Variants in DACH2 observed in about 807,000 individuals in gnomAD.
DACH2 encodes the protein dachshund family transcription factor 2, also known as dachshund homolog 2.
Under a neutral mutation model 35.8 loss-of-function variants are expected in DACH2, and 17 were observed. The observed-to-expected ratio is 0.48, with a 90% CI of 0.33 to 0.71. DACH2 has a LOEUF of 0.71. Among genes scored for constraint, DACH2 ranks in the 30% least tolerant of loss-of-function variants. DACH2 has a pLI of 0.02. For synonymous variants in DACH2, 195 were observed against 177.3 expected, an observed-to-expected ratio of 1.10 and a Z score of -0.79; for missense variants, 469 against 472.7, an observed-to-expected ratio of 0.99 and a Z score of 0.07.
At chrX:86,208,969 A>G (rs775872283) in intron 1 of DACH2, among the ~76,000 whole-genome samples, 2 of 111,646 alleles carry the variant, frequency 1.8e-5, no homozygotes, top group South Asian at 7.5e-4. Flanking sequence ...TCAGTTGATC[A>G]TGTCTACTGT....
At chrX:86,520,640 A>G (rs2038539103) in intron 3 of DACH2, among the ~76,000 whole-genome samples, 2 of 111,538 alleles carry the variant, frequency 1.8e-5, no homozygotes, top group Non-Finnish European at 3.8e-5. Flanking sequence ...TGAATTAAAG[A>G]CTTTACCATT....
chrX:86,578,136 G>T (rs1023958481), intron 3 of DACH2, among the ~76,000 whole-genome samples: 1 of 110,692 alleles, frequency 9.0e-6, no homozygotes, highest in Admixed American at 9.6e-5. Flanking sequence ...GGTCAGTCTT[G>T]CAGGACTGAG....
chrX:86,687,119 G>T (rs753611744), intron 4 of DACH2, among the ~76,000 whole-genome samples: 9 of 112,015 alleles, frequency 8.0e-5, no homozygotes, highest in Middle Eastern at 4.6e-3. Flanking sequence ...TTTAAATCCA[G>T]AAATAAATTT....
At chrX:86,461,185 G>A (rs1256350666) in intron 2 of DACH2, among the ~76,000 whole-genome samples, 1 of 111,389 alleles carries the variant, frequency 9.0e-6, no homozygotes, top group Non-Finnish European at 1.9e-5. Context: ...AATGTGTGAG[G>A]AATAATTTGT....
intron 1 of DACH2, among the ~76,000 whole-genome samples, chrX:86,168,849 C>T (rs1396161222): frequency 9.1e-6 from 1 of 110,334 alleles, no homozygotes; most frequent in Middle Eastern, 4.3e-3. Context: ...TTTTATTGTA[C>T]TGACTATGTC....
At chrX:86,251,072 A>G (rs1470250978) in intron 1 of DACH2, among the ~76,000 whole-genome samples, 3 of 111,341 alleles carry the variant, frequency 2.7e-5, no homozygotes, top group Non-Finnish European at 5.7e-5. Context: ...TGCTGTAGGC[A>G]TCAGATACTT....
chrX:86,637,460 A>G (rs1473878245), intron 3 of DACH2, among the ~76,000 whole-genome samples: 1 of 110,707 alleles, frequency 9.0e-6, no homozygotes, highest in Non-Finnish European at 1.9e-5. Context: ...AATGGTAGAG[A>G]CACAGAATCA....
At chrX:86,621,034 T>C (rs1225130589) in intron 3 of DACH2, among the ~76,000 whole-genome samples, 2 of 111,901 alleles carry the variant, frequency 1.8e-5, no homozygotes, top group Non-Finnish European at 3.8e-5. Context: ...CTACTTTTAA[T>C]AATTCCTTTG....
intron 3 of DACH2, among the ~76,000 whole-genome samples, chrX:86,525,732 G>A (rs7052386): frequency 0.31 from 34,682 of 110,372 alleles, 6,090 homozygotes; most frequent in African/African-American, 0.68. Context: ...ACACACTGTC[G>A]TTGTGATAAA....
At chrX:86,200,162 C>T (rs994370136) in intron 1 of DACH2, among the ~76,000 whole-genome samples, 10 of 110,699 alleles carry the variant, frequency 9.0e-5, no homozygotes, top group African/African-American at 3.0e-4. Flanking sequence ...TGATCTGATC[C>T]TTGACAAAGC....
chrX:86,217,808 T>A lies in DACH2; in HGVS notation c.488+68700T>A, dbSNP rs6623594. Among the ~76,000 whole-genome samples the A allele has an allele frequency of 4.5e-4, 51 of 112,198 alleles. No individual in the cohort carries two copies. The East Asian group carries it at 0.012, about 27-fold the overall frequency. ...ATTGTAGAAGAAATCAGGTAGATGATGACAGAAAGATCATGTAGGAAGCGT... is the reference window on the plus strand; with the variant it reads ...ATTGTAGAAGAAATCAGGTAGATGAAGACAGAAAGATCATGTAGGAAGCGT... On this transcript the variant is annotated intron_variant, in intron 1 of 11. Transcript: ENST00000373125.
chrX:86,669,023 G>A (rs980806595), intron 4 of DACH2, among the ~76,000 whole-genome samples: 2 of 111,349 alleles, frequency 1.8e-5, no homozygotes, highest in Non-Finnish European at 3.8e-5. Context: ...TGAGTTGACA[G>A]GCTAAATGTA....
At chrX:86,213,632 C>A (rs1022307706) in intron 1 of DACH2, among the ~76,000 whole-genome samples, 1 of 110,653 alleles carries the variant, frequency 9.0e-6, no homozygotes, top group African/African-American at 3.3e-5. Flanking sequence ...TTGTTGGGCC[C>A]AATTTACGCC....
At chrX:86,760,900 A>G (rs1240724747) in intron 7 of DACH2, among the ~76,000 whole-genome samples, 3 of 109,715 alleles carry the variant, frequency 2.7e-5, no homozygotes, top group African/African-American at 1.0e-4. Flanking sequence ...TTTCCTAAAG[A>G]TGTTTTTTGG....
rs1325301076 is a variant in DACH2, at chrX:86,379,020, C to A, written c.527+2158C>A. On this transcript the variant is annotated intron_variant, in intron 2 of 11. Coordinates refer to ENST00000373125, the MANE Select transcript of DACH2 (RefSeq NM_053281.3). Reference sequence around the variant, plus strand: ...ATGAAACAGATTATTACTGCCATGTCCACAAAAGAATACTTAAGTATAGTT... The same window carrying A: ...ATGAAACAGATTATTACTGCCATGTACACAAAAGAATACTTAAGTATAGTT... 2.7e-5 allele frequency among the ~76,000 whole-genome samples: 3 copies of A among 110,732 alleles called. No homozygotes were observed. The East Asian group carries it at 8.6e-4, about 32-fold the overall frequency.
At chrX:86,200,225 A>T (rs1319092414) in intron 1 of DACH2, among the ~76,000 whole-genome samples, 1 of 111,045 alleles carries the variant, frequency 9.0e-6, no homozygotes, top group Non-Finnish European at 1.9e-5. Context: ...ATGATGCTGG[A>T]ATAACTGGCT....
At chrX:86,319,999 C>A (rs907495535) in intron 1 of DACH2, among the ~76,000 whole-genome samples, 3 of 111,380 alleles carry the variant, frequency 2.7e-5, no homozygotes, top group Non-Finnish European at 5.7e-5. Context: ...CCAAGCATAG[C>A]CAGAAGACAA....
At chrX:86,390,269 T>C (rs745625377) in intron 2 of DACH2, among the ~76,000 whole-genome samples, 1 of 112,255 alleles carries the variant, frequency 8.9e-6, no homozygotes, top group East Asian at 2.8e-4. Context: ...TTTTGGTCAC[T>C]TAACCTTTCA....
chrX:86,525,526 TAGAG>T (rs1215496588), intron 3 of DACH2, among the ~76,000 whole-genome samples: 1 of 111,802 alleles, frequency 8.9e-6, no homozygotes. Context: ...ACTTTTTGTA[TAGAG>T]AAAGGTAACA....
Sources: allele counts gnomAD v4.1 joint callset (sites outside exome capture counted in the v4.1 genomes callset), GRCh38; gene constraint gnomAD v4.1.1; transcripts MANE v1.5; gene names NCBI Gene and HGNC (gene_info 2026-07-23, HGNC 2026-07-21).